The following SEH1L variants were observed in gnomAD, a reference collection of about 807,000 sequenced individuals.
SEH1L encodes SEH1 like nucleoporin, also known as nucleoporin SEH1.
Under a neutral mutation model 49.5 loss-of-function variants are expected in SEH1L, and 18 were observed. That is an observed-to-expected ratio of 0.36 (90% CI 0.25 to 0.54). The LOEUF is 0.54. Among genes scored for constraint, SEH1L ranks in the 20% least tolerant of loss-of-function variants. The pLI is 0.87. For missense variants in SEH1L, 404 were observed against 528.8 expected (o/e 0.76, Z 2.31); for synonymous variants, 169 against 178.1 (o/e 0.95, Z 0.41).
chr18:12,980,824 G>A (rs2032204406), intron 6 of SEH1L, among the ~76,000 whole-genome samples: 1 of 112,806 alleles, frequency 8.9e-6, no homozygotes, highest in Non-Finnish European at 1.9e-5. Context: ...GCGGGGGGCT[G>A]ACCCCCCCAC....
rs57733399 is a variant in SEH1L at position 12,958,064 on chromosome 18, C to CTTTTTTTTTTTTTTTTTTTTTTTT, written c.309+2469_309+2492dup. 3.2e-5 allele frequency among the ~76,000 whole-genome samples: 2 copies of CTTTTTTTTTTTTTTTTTTTTTTTT among 62,036 alleles called. 1 individual carries two copies. Among genetic ancestry groups the CTTTTTTTTTTTTTTTTTTTTTTTT allele is most frequent in the Non-Finnish European group, 5.6e-5 (2 of 35,690 alleles). The allele number at this position is 62,036 out of a possible 152,430, so 40.7% of individuals were successfully genotyped here. A position where few individuals can be genotyped will look rare whatever the true frequency, so the allele number is the denominator to read the frequency against. On this transcript the variant is annotated intron_variant, in intron 3 of 8. Coordinates refer to ENST00000399892, the MANE Select transcript of SEH1L (RefSeq NM_001013437.2). ...TATAACATAATATTCCTCATTTTAACTTTTTTTTTTTTTTTTTTTTTTTTT... is the reference window on the plus strand; with the variant it reads ...TATAACATAATATTCCTCATTTTAACTTTTTTTTTTTTTTTTTTTTTTTTTTTTTTTTTTTTTTTTTTTTTTTTT...
chr18:12,959,599 T>C (rs1224018935), intron 3 of SEH1L, among the ~76,000 whole-genome samples: 4 of 152,226 alleles, frequency 2.6e-5, no homozygotes, highest in Non-Finnish European at 5.9e-5. Context: ...AGATTTCAGA[T>C]TTTTGGATTT....
rs922988292 is a variant in SEH1L at position 12,948,328 on chromosome 18, C to T, written c.111+96C>T. ...ACGGGGCTGTGTCTTGGTTCAGTGACGCCGCTGGAAGCTGTGGGGTGGCGG... is the reference window on the plus strand; with the variant it reads ...ACGGGGCTGTGTCTTGGTTCAGTGATGCCGCTGGAAGCTGTGGGGTGGCGG... On this transcript the variant is annotated intron_variant, in intron 1 of 8. Coordinates refer to ENST00000399892, the MANE Select transcript of SEH1L (RefSeq NM_001013437.2). 5.7e-6 allele frequency: 5 copies of T among 877,184 alleles called. No individual in the cohort carries two copies. The East Asian group carries it at 1.1e-4, about 19-fold the overall frequency. 54.3% of individuals were successfully genotyped at this position (877,184 alleles called of 1,614,324 possible).
At chr18:12,986,711 C>CA (rs1174150061) in intron 8 of SEH1L, 151 bp from the exon 9 acceptor site, 1 of 1,288,262 alleles carries the variant, frequency 7.8e-7, no homozygotes, top group East Asian at 3.0e-5. Flanking sequence ...TTAGTTTTGG[C>CA]ATGAATATAC....
At chr18:12,980,110 A>G (rs866317981) in intron 6 of SEH1L, among the ~76,000 whole-genome samples, 63 of 74,844 alleles carry the variant, frequency 8.4e-4, no homozygotes, top group Middle Eastern at 0.016. Flanking sequence ...CCTCCCGGAC[A>G]GGGCGGCTGT....
chr18:12,951,359 G>T (rs1482093218), intron 1 of SEH1L, among the ~76,000 whole-genome samples: 1 of 152,102 alleles, frequency 6.6e-6, no homozygotes, highest in Non-Finnish European at 1.5e-5. Flanking sequence ...GAATCCCTTG[G>T]TGCTTGGCCC....
chr18:12,972,651 C>T (rs991067721), intron 5 of SEH1L: 8 of 152,180 alleles, frequency 5.3e-5, no homozygotes, highest in African/African-American at 1.9e-4. Context: ...TCTGGGTTAC[C>T]AAGGGGATCT....
intron 2 of SEH1L, among the ~76,000 whole-genome samples, chr18:12,954,040 A>T (rs2030706876): frequency 6.6e-6 from 1 of 152,220 alleles, no homozygotes; most frequent in Admixed American, 6.5e-5. Flanking sequence ...TATAAGTAAG[A>T]ATTAAAGATG....
intron 6 of SEH1L, among the ~76,000 whole-genome samples, chr18:12,981,374 G>A (rs963314608): frequency 6.1e-4 from 92 of 151,372 alleles, no homozygotes; most frequent in Non-Finnish European, 1.2e-3. Context: ...GGAGGTTGTA[G>A]CGAGCCGAGA....
chr18:12,963,646 C>T (rs986079417), intron 4 of SEH1L, among the ~76,000 whole-genome samples: 10 of 152,168 alleles, frequency 6.6e-5, no homozygotes, highest in East Asian at 5.8e-4. Flanking sequence ...TATGCAAACA[C>T]GCCCAGATAT....
chr18:12,953,157 T>G (rs1173605021), intron 2 of SEH1L, among the ~76,000 whole-genome samples: 1 of 152,208 alleles, frequency 6.6e-6, no homozygotes, highest in Non-Finnish European at 1.5e-5. Context: ...CCACTTTCCC[T>G]TTGCATGTTT....
chr18:12,957,663 T>C (rs2030952934), intron 3 of SEH1L, among the ~76,000 whole-genome samples: 1 of 152,214 alleles, frequency 6.6e-6, no homozygotes, highest in African/African-American at 2.4e-5. Flanking sequence ...TTTTTTGTAA[T>C]AGATAATCAT....
At chr18:12,966,937 C>T (rs1260182175) in intron 4 of SEH1L, among the ~76,000 whole-genome samples, 2 of 152,164 alleles carry the variant, frequency 1.3e-5, no homozygotes, top group African/African-American at 4.8e-5. Flanking sequence ...TTTTTCCCAT[C>T]ATTGAATTTT....
intron 1 of SEH1L, among the ~76,000 whole-genome samples, chr18:12,950,173 A>G (rs2145600192): frequency 6.6e-6 from 1 of 152,108 alleles, no homozygotes; most frequent in East Asian, 1.9e-4. Context: ...AGCTGGGACT[A>G]CGAGTGCACG....
chr18:12,977,266 G>A (rs1568226280), intron 5 of SEH1L: 1 of 152,168 alleles, frequency 6.6e-6, no homozygotes, highest in Non-Finnish European at 1.5e-5. Flanking sequence ...TACATGCAGG[G>A]GGTTAGGTGC....
intron 5 of SEH1L, chr18:12,973,309 T>G (rs1399421096): frequency 1.4e-5 from 2 of 146,468 alleles, no homozygotes; most frequent in Admixed American, 6.7e-5. Context: ...AATTACCTAT[T>G]TTTTTTTTTT....
At chr18:12,974,253 A>T (rs575439677) in intron 5 of SEH1L, 2 of 152,224 alleles carry the variant, frequency 1.3e-5, no homozygotes, top group East Asian at 3.9e-4. Flanking sequence ...ACTATGTAGT[A>T]TCGTTATTAA....
chr18:12,955,550 G>T lies in SEH1L; in HGVS notation c.250G>T (p.Ala84Ser). ...TTCCTGTTCTTTTGACCGAACAGCT[G>T]CTGTATGGGAAGAAATAGTAGGAGA... The part of the protein sequence containing the change: ...LASCSFDRTA[A>S]VWEEIVGESN... Residue 84 changes from alanine (A) to serine (S), a missense_variant, in exon 3 of 9, where the codon GCT becomes TCT. By Grantham distance (99) the Ala-to-Ser change is moderately conservative. Transcript: ENST00000399892. The T allele has an allele frequency of 6.2e-7, 1 of 1,613,946 alleles. No individual in the cohort carries two copies. The highest frequency in any genetic ancestry group is 8.5e-7 in the Non-Finnish European group (1 of 1,179,984).
Position 12,984,106 on chromosome 18 carries a change from G to A in SEH1L, c.986G>A (p.Ser329Asn), listed in dbSNP as rs747624219. 2.5e-6 allele frequency: 4 copies of A among 1,613,646 alleles called. No individual in the cohort carries two copies. In the South Asian group the frequency reaches 4.4e-5, roughly 18 times the overall value. The part of the protein sequence containing the change: ...LKGNGSPVNG[S>N]SQQGTSNPSL... Reference sequence around the variant, plus strand: ...GGTAATGGGAGCCCAGTCAATGGGAGTTCTCAGCAGGGAACCTCAAATCCT... The same window carrying A: ...GGTAATGGGAGCCCAGTCAATGGGAATTCTCAGCAGGGAACCTCAAATCCT... Residue 329 changes from serine to asparagine, a missense_variant, in exon 8 of 9, where the codon AGT becomes AAT. Ser to Asn is a conservative substitution (Grantham distance 46, BLOSUM62 1). This residue lies in a region of SEH1L where 342 missense variants were observed against 430.8 expected (regional missense o/e 0.79). Transcript: ENST00000399892.
Sources: gnomAD v4.1 joint callset for allele counts (sites outside exome capture counted in the v4.1 genomes callset) on GRCh38, gnomAD v4.1.1 for gene constraint, gnomAD v4.1.1 regional missense constraint, MANE v1.5 for transcripts, NCBI Gene and HGNC (gene_info 2026-07-23, HGNC 2026-07-21) for gene names.